The following SCN7A variants were observed in gnomAD, a reference collection of about 807,000 sequenced individuals.
SCN7A encodes the protein sodium voltage-gated channel alpha subunit 7, also known as sodium channel protein type 7 subunit alpha.
A neutral mutation model predicts 155.2 loss-of-function variants in SCN7A; 138 were observed. The ratio of observed to expected loss-of-function variants is 0.89; its 90% CI spans 0.77 to 1.02. SCN7A has a LOEUF of 1.02. Ranked by LOEUF, SCN7A falls within the 50% of genes least tolerant of loss-of-function variation. SCN7A has a pLI of 0.00. For missense variants in SCN7A, 2,058 were observed against 1,986.6 expected, an observed-to-expected ratio of 1.04 and a Z score of -0.68; for synonymous variants, 693 against 649.0, an observed-to-expected ratio of 1.07 and a Z score of -1.03.
chr2:166,405,153 A>T lies in SCN7A; in HGVS notation c.*427T>A, dbSNP rs1372411700. ...GCAAGTTTATGATTTAATGGCCATT[A>T]GCATTTCACCATCCCACATCAGGAA... On this transcript the variant is annotated 3_prime_UTR_variant, in exon 26 of 26. Transcript: ENST00000643258. 1 of 154,534 alleles carries T rather than the reference A, an allele frequency of 6.5e-6. No individual in the cohort carries two copies. The highest frequency in any genetic ancestry group is 1.4e-5 in the Non-Finnish European group (1 of 69,894). 9.6% of individuals were successfully genotyped at this position (154,534 alleles called of 1,614,324 possible). A position where few individuals can be genotyped will look rare whatever the true frequency, so the allele number is the denominator to read the frequency against.
chr2:166,468,092 C>T (rs1702576550), intron 7 of SCN7A, among the ~76,000 whole-genome samples: 1 of 152,036 alleles, frequency 6.6e-6, no homozygotes, highest in African/African-American at 2.4e-5. Context: ...AGTCCCACCA[C>T]ATAAGGTGAG....
intron 2 of SCN7A, among the ~76,000 whole-genome samples, chr2:166,486,148 CCT>C (rs1353683136): frequency 6.6e-6 from 1 of 152,156 alleles, no homozygotes; most frequent in Non-Finnish European, 1.5e-5. Flanking sequence ...CTCTTCGGGA[CCT>C]CTCAGAACTA....
intron 25 of SCN7A, among the ~76,000 whole-genome samples, chr2:166,407,057 G>C (rs1388273652): frequency 6.6e-6 from 1 of 152,012 alleles, no homozygotes; most frequent in Non-Finnish European, 1.5e-5. Context: ...AAAGATGAAT[G>C]ACATGATTTC....
chr2:166,455,893 G>A (rs1702263400), intron 11 of SCN7A, among the ~76,000 whole-genome samples: 1 of 152,142 alleles, frequency 6.6e-6, no homozygotes, highest in Non-Finnish European at 1.5e-5. Flanking sequence ...CAGATATGAA[G>A]CCGACTTGAT....
intron 21 of SCN7A, 67 bp downstream of exon 21, chr2:166,416,640 C>A: frequency 7.5e-7 from 1 of 1,341,268 alleles, no homozygotes; most frequent in Non-Finnish European, 1.0e-6. Flanking sequence ...CACATTTTGT[C>A]CTTTGCATTC....
chr2:166,429,216 T>A lies in SCN7A; in HGVS notation c.2651A>T (p.Glu884Val), dbSNP rs1280679340. The A allele has an allele frequency of 6.5e-7, 1 of 1,548,382 alleles. No homozygotes were observed. The change falls in exon 17 of 26, where the codon GAA becomes GTA. Residue 884 changes from glutamate (E) to valine (V), a missense_variant. Transcript: ENST00000643258. Reference protein sequence around the residue: ...CSTVDIAISEEEEMFYGGERS... With the variant: ...CSTVDIAISEVEEMFYGGERS... ...TTCACCTCCATAGAACATTTCTTCT[T>A]CTTCAGAGATAGCAATATCAACAGT... is the stretch of plus-strand genomic sequence containing the variant.
chr2:166,469,682 G>A (rs1049054215), intron 7 of SCN7A, among the ~76,000 whole-genome samples: 4 of 151,782 alleles, frequency 2.6e-5, no homozygotes, highest in African/African-American at 9.7e-5. Flanking sequence ...GTCTTAGGAT[G>A]AAGATGCATG....
At chr2:166,448,449 T>A (rs1192412707) in intron 11 of SCN7A, among the ~76,000 whole-genome samples, 1 of 152,216 alleles carries the variant, frequency 6.6e-6, no homozygotes, top group Non-Finnish European at 1.5e-5. Context: ...ATGCTGACTT[T>A]CTTTCTTTTG....
Position 166,404,299 on chromosome 2 carries a change from T to C in SCN7A, c.*1281A>G, listed in dbSNP as rs1701019055. 6.6e-6 allele frequency: 1 copy of C among 151,974 alleles called. No homozygotes were observed. The highest frequency in any genetic ancestry group is 2.4e-5 in the African/African-American group (1 of 41,422). 9.4% of individuals were successfully genotyped at this position (151,974 alleles called of 1,614,324 possible). On this transcript the variant is annotated 3_prime_UTR_variant, in exon 26 of 26. Coordinates refer to ENST00000643258, the MANE Select transcript of SCN7A (RefSeq NM_002976.4). ...AAGTCTAAGGACAACTATTTATGCC[T>C]ATCTTTAAAAAACAATTTCAATAGT... is the stretch of plus-strand genomic sequence containing the variant.
chr2:166,428,449 A>T (rs972359919), intron 17 of SCN7A, among the ~76,000 whole-genome samples: 1 of 152,016 alleles, frequency 6.6e-6, no homozygotes, highest in Non-Finnish European at 1.5e-5. Flanking sequence ...TGAAAATGGG[A>T]ATTTTTATTG....
Position 166,423,369 on chromosome 2 carries a change from T to C in SCN7A, c.2917A>G (p.Met973Val). Residue 973 changes from methionine to valine, a missense_variant, in exon 19 of 26, where the codon ATG (methionine) becomes GTG (valine). Physicochemically the swap from Met to Val is conservative, Grantham distance 21. Transcript: ENST00000643258. ...AGAATGAAGATATAAGTAAAGATCA[T>C]GTCAGCATATTCTAATAAAATTTTA... ...TIKILLEYAD[M>V]IFTYIFILEM... 5.0e-6 allele frequency: 8 copies of C among 1,610,316 alleles called. No individual in the cohort carries two copies. Among genetic ancestry groups the C allele is most frequent in the Non-Finnish European group, 6.8e-6 (8 of 1,178,392 alleles).
chr2:166,412,449 A>G, intron 23 of SCN7A, 81 bp downstream of exon 23: 4 of 1,266,314 alleles, frequency 3.2e-6, no homozygotes, highest in Non-Finnish European at 4.0e-6. Flanking sequence ...AAAGCCAATT[A>G]TTTGAAGCAG....
At chr2:166,472,981 G>A in intron 5 of SCN7A, among the ~76,000 whole-genome samples, 1 of 151,692 alleles carries the variant, frequency 6.6e-6, no homozygotes, top group African/African-American at 2.4e-5. Flanking sequence ...AGAACACATG[G>A]ACACATAGAG....
Position 166,444,924 on chromosome 2 carries a change from A to G in SCN7A, c.1464T>C (p.Ser488=). 1 of 1,613,606 alleles carries G rather than the reference A, an allele frequency of 6.2e-7. No homozygotes were observed. The highest frequency in any genetic ancestry group is 8.5e-7 in the Non-Finnish European group (1 of 1,179,634). ...FAKTFLIWNC[S]PCWLKLKEFV... ...ACTCTTTCAATTTTAACCAACAGGG[A>G]GAACAATTCCAGATCAAGAAAGTTT... Residue 488 remains serine (S), a synonymous_variant, in exon 13 of 26, where the codon TCT becomes TCC. Coordinates refer to ENST00000643258, the MANE Select transcript of SCN7A (RefSeq NM_002976.4).
At chr2:166,420,489 A>G (rs1210594166) in intron 20 of SCN7A, among the ~76,000 whole-genome samples, 1 of 152,092 alleles carries the variant, frequency 6.6e-6, no homozygotes, top group Non-Finnish European at 1.5e-5. Flanking sequence ...GTATAGCTAC[A>G]TACTTATACT....
intron 15 of SCN7A, chr2:166,441,130 A>G (rs890683959): frequency 6.9e-6 from 3 of 435,964 alleles, no homozygotes; most frequent in Non-Finnish European, 1.2e-5. Context: ...TATCATTAAA[A>G]AATGCATTCA....
chr2:166,439,761 G>A (rs1575027711), intron 15 of SCN7A, among the ~76,000 whole-genome samples: 1 of 152,136 alleles, frequency 6.6e-6, no homozygotes, highest in Non-Finnish European at 1.5e-5. Flanking sequence ...TTGTAATAAA[G>A]AGGAGAGCTA....
intron 14 of SCN7A, 52 bp from the exon 15 acceptor site, chr2:166,441,804 G>T: frequency 7.1e-7 from 1 of 1,416,148 alleles, no homozygotes; most frequent in South Asian, 1.4e-5. Flanking sequence ...AAAAAACTTG[G>T]TCAGTGTATA....
chr2:166,439,574 G>C (rs1459875058), intron 15 of SCN7A, among the ~76,000 whole-genome samples: 1 of 152,124 alleles, frequency 6.6e-6, no homozygotes, highest in Non-Finnish European at 1.5e-5. Context: ...ACTGAAGCAA[G>C]ATCTATCTCT....
Sources: allele counts gnomAD v4.1 joint callset (sites outside exome capture counted in the v4.1 genomes callset), GRCh38; gene constraint gnomAD v4.1.1; transcripts MANE v1.5; gene names NCBI Gene and HGNC (gene_info 2026-07-23, HGNC 2026-07-21).